The following XG variants were observed in gnomAD, a reference collection of about 807,000 sequenced individuals.
XG encodes the protein Xg glycoprotein (Xg blood group).
In XG, 24 loss-of-function variants were observed where a neutral mutation model predicts 25.7. The observed-to-expected ratio is 0.93, with a 90% confidence interval of 0.68 to 1.31. The LOEUF (loss-of-function observed/expected upper bound fraction) is 1.31, where lower values mean the gene tolerates loss of function less well. Among genes scored for constraint, XG ranks in the 40% most tolerant of loss-of-function variants. The pLI is 0.00. For synonymous variants in XG, 77 were observed against 69.2 expected (o/e 1.11, Z -0.56); for missense variants, 181 against 187.6 (o/e 0.96, Z 0.21).
intron 7 of XG, among the ~76,000 whole-genome samples, chrX:2,801,772 C>G (rs188747329): frequency 0.054 from 5,898 of 109,953 alleles, 447 homozygotes; most frequent in African/African-American, 0.18. Context: ...GCAGTGGCGT[C>G]ATCTCGGCTC....
At chrX:2,773,261 A>AGG (rs2050865270) in intron 2 of XG, among the ~76,000 whole-genome samples, 1 of 149,248 alleles carries the variant, frequency 6.7e-6, no homozygotes, top group Non-Finnish European at 1.5e-5. Context: ...GGAGATAAGA[A>AGG]AAGACTGAGG....
chrX:2,756,444 T>C (rs2050436973), intron 1 of XG, among the ~76,000 whole-genome samples: 1 of 151,956 alleles, frequency 6.6e-6, no homozygotes, highest in Non-Finnish European at 1.5e-5. Flanking sequence ...AATAGAAGAG[T>C]CGGAATGGTT....
chrX:2,765,183 T>C (rs1464949859), intron 1 of XG, among the ~76,000 whole-genome samples: 3 of 150,792 alleles, frequency 2.0e-5, no homozygotes, highest in Non-Finnish European at 4.4e-5. Flanking sequence ...CCATCTCTAC[T>C]AAAAATAAAA....
intron 3 of XG, 143 bp from the exon 4 acceptor site, chrX:2,781,923 T>C: frequency 1.9e-6 from 1 of 520,169 alleles, no homozygotes; most frequent in South Asian, 3.5e-5. Flanking sequence ...AACCAGACAA[T>C]GGCAATCTAT....
At chrX:2,756,265 GAGA>G (rs2050432940) in intron 1 of XG, among the ~76,000 whole-genome samples, 1 of 152,114 alleles carries the variant, frequency 6.6e-6, no homozygotes, top group Non-Finnish European at 1.5e-5. Flanking sequence ...TCTAACAGCT[GAGA>G]AGAAGCTGAG....
chrX:2,762,351 G>A (rs1426307984), intron 1 of XG, among the ~76,000 whole-genome samples: 1 of 152,192 alleles, frequency 6.6e-6, no homozygotes, highest in African/African-American at 2.4e-5. Context: ...TCACTGGGAA[G>A]TCAAGAACGG....
chrX:2,799,578 G>A lies in XG; in HGVS notation c.373+2218G>A, dbSNP rs747025968. On this transcript the variant is annotated intron_variant, in intron 7 of 10. Coordinates refer to ENST00000644266, the MANE Select transcript of XG (RefSeq NM_001141919.2). ...GCATAAGATAATCTGGACAAAATGG[G>A]GCAGGGGAGCAATCACATATGATTT... 6.3e-5 allele frequency among the ~76,000 whole-genome samples: 7 copies of A among 111,458 alleles called. No homozygotes were observed. The South Asian group carries it at 2.7e-3, about 43-fold the overall frequency.
chrX:2,808,509 A>G, intron 9 of XG: 1 of 977,258 alleles, frequency 1.0e-6, no homozygotes, highest in Non-Finnish European at 1.3e-6. Context: ...CATTTCTCCC[A>G]GTACCACCAT....
chrX:2,808,402 C>G, intron 9 of XG, 182 bp downstream of exon 9: 1 of 791,728 alleles, frequency 1.3e-6, no homozygotes, highest in Admixed American at 3.7e-5. Context: ...CAGGACCAAT[C>G]AGAGTTCAGA....
chrX:2,765,977 A>T (rs2050675593), intron 1 of XG, among the ~76,000 whole-genome samples: 1 of 152,264 alleles, frequency 6.6e-6, no homozygotes, highest in Non-Finnish European at 1.5e-5. Context: ...TTCAGAATGA[A>T]GACCCCAAGT....
At chrX:2,798,888 C>CT (rs1254883670) in intron 7 of XG, among the ~76,000 whole-genome samples, 59 of 100,932 alleles carry the variant, frequency 5.8e-4, no homozygotes, top group East Asian at 9.2e-4. Flanking sequence ...CTTTTTCTTT[C>CT]TTTTTTTTTT....
At chrX:2,763,292 G>A (rs776782482) in intron 1 of XG, among the ~76,000 whole-genome samples, 8 of 152,288 alleles carry the variant, frequency 5.3e-5, no homozygotes, top group Non-Finnish European at 1.2e-4. Flanking sequence ...GGGATTGCGG[G>A]TGTGAGCCAC....
At chrX:2,778,714 G>A (rs1200826300) in intron 3 of XG, among the ~76,000 whole-genome samples, 1 of 151,930 alleles carries the variant, frequency 6.6e-6, no homozygotes, top group Non-Finnish European at 1.5e-5. Context: ...ACATAGGCAG[G>A]ACTGAGACAA....
chrX:2,776,420 C>CG (rs1190533498), intron 3 of XG, among the ~76,000 whole-genome samples: 11 of 152,224 alleles, frequency 7.2e-5, no homozygotes, highest in East Asian at 3.9e-4. Context: ...GACGAATTCC[C>CG]GGGAACTGCG....
At chrX:2,773,493 A>AGAG (rs1569461935) in intron 2 of XG, among the ~76,000 whole-genome samples, 29 of 136,966 alleles carry the variant, frequency 2.1e-4, no homozygotes, top group Non-Finnish European at 4.1e-4. Flanking sequence ...GAAGGAAGGA[A>AGAG]GGAAGGAGAG....
chrX:2,794,713 C>A, intron 6 of XG, 110 bp downstream of exon 6: 1 of 882,366 alleles, frequency 1.1e-6, no homozygotes, highest in Non-Finnish European at 1.6e-6. Flanking sequence ...GAGTTGGTGA[C>A]GAGCAGACGA....
chrX:2,753,005 G>C (rs1185909979), intron 1 of XG: 1 of 984,026 alleles, frequency 1.0e-6, no homozygotes, highest in African/African-American at 1.7e-5. Flanking sequence ...GGTTGAGTAA[G>C]TTTCTTTGGT....
rs143819643 is a variant in XG, at chrX:2,774,703, T to C, written c.104-13T>C. ...CAATGCATATTGCATTTATTTTCTC[T>C]CTTTGTTCACAGAACCCACCAAGAA... On this transcript the variant is annotated splice_polypyrimidine_tract_variant and intron_variant, in intron 2 of 10. Coordinates refer to ENST00000644266, the MANE Select transcript of XG (RefSeq NM_001141919.2). The C allele has an allele frequency of 8.4e-4, 1,359 of 1,613,926 alleles. 7 individuals are homozygous for C. In the African/African-American group the frequency reaches 0.016, roughly 18 times the overall value.
chrX:2,769,499 T>G (rs1482793632), intron 1 of XG, among the ~76,000 whole-genome samples: 4 of 152,230 alleles, frequency 2.6e-5, no homozygotes, highest in Admixed American at 6.5e-5. Context: ...CTGGCATTAC[T>G]GCAACAGAAC....
Sources: gnomAD v4.1 joint callset for allele counts (sites outside exome capture counted in the v4.1 genomes callset) on GRCh38, gnomAD v4.1.1 for gene constraint, MANE v1.5 for transcripts, NCBI Gene and HGNC (gene_info 2026-07-23, HGNC 2026-07-21) for gene names.